Variants in GLI2 observed in about 807,000 individuals in gnomAD.
The protein encoded by GLI2 is GLI family zinc finger 2.
In GLI2, 22 loss-of-function variants were observed where a neutral mutation model predicts 78.9. The observed-to-expected ratio is 0.28, with a 90% CI of 0.20 to 0.40. The LOEUF is 0.40. GLI2 is among the 10% of genes least tolerant of loss of function. GLI2 has a pLI of 1.00. For synonymous variants in GLI2, 974 were observed against 963.7 expected (o/e 1.01, Z -0.20); for missense variants, 2,097 against 2,213.2 (o/e 0.95, Z 1.05).
At chr2:120,848,980 A>G (rs142799499) in intron 2 of GLI2, among the ~76,000 whole-genome samples, 19 of 152,368 alleles carry the variant, frequency 1.2e-4, no homozygotes, top group African/African-American at 4.6e-4. Context: ...AGCTTACCAT[A>G]TAATGGAATA....
intron 1 of GLI2, among the ~76,000 whole-genome samples, chr2:120,789,124 C>G (rs1684079442): frequency 6.6e-6 from 1 of 151,606 alleles, no homozygotes; most frequent in African/African-American, 2.4e-5. Context: ...CTCCACCTCC[C>G]AGGTTCATGT....
In GLI2 at chr2:120,886,216, A is replaced by C. The variant is rs13423977; in HGVS notation, c.149-41145A>C. On this transcript the variant is annotated intron_variant, in intron 2 of 13. Transcript: ENST00000361492. The stretch of plus-strand genomic sequence containing the variant: ...TGTGTGTGTGTGTGTGTGTGCGTGT[A>C]TATTTTGGTTTTGGGTTTTTGTTTT... Among the ~76,000 whole-genome samples, 3 of 57,772 alleles carry C rather than the reference A, an allele frequency of 5.2e-5. 1 individual carries two copies. Among genetic ancestry groups the C allele is most frequent in the South Asian group, 1.8e-3 (2 of 1,130 alleles). The allele number at this position is 57,772 out of a possible 152,430, so 37.9% of individuals were successfully genotyped here. A position where few individuals can be genotyped will look rare whatever the true frequency, so the allele number is the denominator to read the frequency against.
chr2:120,972,165 C>G, intron 8 of GLI2, 102 bp downstream of exon 8: 1 of 1,326,460 alleles, frequency 7.5e-7, no homozygotes, highest in Non-Finnish European at 1.1e-6. Flanking sequence ...TGGCTGGCTG[C>G]CTGCATGGAT....
chr2:120,769,793 G>A (rs566252009), intron 1 of GLI2, among the ~76,000 whole-genome samples: 12 of 152,208 alleles, frequency 7.9e-5, no homozygotes, highest in Middle Eastern at 3.4e-3. Flanking sequence ...GGGAGTGTGC[G>A]TCTCTGCCTG....
intron 2 of GLI2, among the ~76,000 whole-genome samples, chr2:120,903,459 A>G (rs2104789165): frequency 6.6e-6 from 1 of 152,272 alleles, no homozygotes; most frequent in African/African-American, 2.4e-5. Context: ...GCCCCCAGGC[A>G]GGCCTGGGCC....
At chr2:120,876,728 G>A (rs1049013179) in intron 2 of GLI2, among the ~76,000 whole-genome samples, 5 of 152,002 alleles carry the variant, frequency 3.3e-5, no homozygotes, top group South Asian at 2.1e-4. Flanking sequence ...CCAGTGGGTC[G>A]GCAGGGAGGA....
Position 120,870,660 on chromosome 2 carries a change from C to G in GLI2, c.149-56701C>G, listed in dbSNP as rs575141635. ...GCTGACCACTTGCCCTTGATTATTT[C>G]AAGTGACCGCGCCATGTGCCACCTT... On this transcript the variant is annotated intron_variant, in intron 2 of 13. Transcript: ENST00000361492. 9.2e-5 allele frequency among the ~76,000 whole-genome samples: 14 copies of G among 152,188 alleles called. 1 individual carries two copies. The highest frequency in any genetic ancestry group is 2.6e-4 in the Admixed American group (4 of 15,284).
chr2:120,951,273 C>G lies in GLI2; in HGVS notation c.285C>G (p.Ile95Met), dbSNP rs780467517. ...GPPALSGSPV[I>M]SDISLIRLSP... is the part of the protein sequence containing the mutation. The stretch of plus-strand genomic sequence containing the variant: ...CTGCCCTCAGCGGCAGCCCTGTCAT[C>G]TCTGACATCTCCTTGATCCGGCTTT... Residue 95 changes from isoleucine to methionine, a missense_variant, in exon 4 of 14, where the codon ATC becomes ATG. Physicochemically the swap from Ile to Met is conservative, Grantham distance 10. This residue lies in a region of GLI2 where 578 missense variants were observed against 612.0 expected (regional missense o/e 0.94). Transcript: ENST00000361492. The G allele has an allele frequency of 3.7e-6, 6 of 1,612,206 alleles. No homozygotes were observed. The highest frequency in any genetic ancestry group is 5.1e-6 in the Non-Finnish European group (6 of 1,178,582).
At chr2:120,744,371 A>C (rs964022317) in intron 1 of GLI2, among the ~76,000 whole-genome samples, 1 of 152,178 alleles carries the variant, frequency 6.6e-6, no homozygotes, top group Admixed American at 6.5e-5. Context: ...CTTGGGCTTG[A>C]GAGAATGCAT....
rs1367586644 is a variant in GLI2 at position 120,986,364 on chromosome 2, G to A, written c.1992G>A (p.Val664=). 6.2e-7 allele frequency: 1 copy of A among 1,613,616 alleles called. No homozygotes were observed. Among genetic ancestry groups the A allele is most frequent in the Non-Finnish European group, 8.5e-7 (1 of 1,179,964 alleles). Reference sequence around the variant, plus strand: ...GTGCCCCCAACAATGACAGTGGCGTGGAGATGCCGGGGACGGGGCCCGGGA... The same window carrying A: ...GTGCCCCCAACAATGACAGTGGCGTAGAGATGCCGGGGACGGGGCCCGGGA... ...LGSAPNNDSG[V]EMPGTGPGSL... The change falls in exon 13 of 14, where the codon GTG becomes GTA. Residue 664 remains valine, a synonymous_variant. Coordinates refer to ENST00000361492, the MANE Select transcript of GLI2 (RefSeq NM_001374353.1).
At chr2:120,764,224 C>T (rs558318888) in intron 1 of GLI2, among the ~76,000 whole-genome samples, 16 of 152,312 alleles carry the variant, frequency 1.1e-4, no homozygotes, top group Non-Finnish European at 1.9e-4. Flanking sequence ...GGGCTCGTGG[C>T]GCAGCCGGAG....
At chr2:120,890,680 C>T (rs1573546722) in intron 2 of GLI2, among the ~76,000 whole-genome samples, 1 of 152,118 alleles carries the variant, frequency 6.6e-6, no homozygotes, top group South Asian at 2.1e-4. Flanking sequence ...CTCAAATTAG[C>T]GAAAAATAAA....
chr2:120,759,592 G>T (rs1296761913), intron 1 of GLI2, among the ~76,000 whole-genome samples: 1 of 152,102 alleles, frequency 6.6e-6, no homozygotes, highest in East Asian at 1.9e-4. Context: ...GCCCTTTTGG[G>T]TGCACTACCT....
rs182485335 is a variant in GLI2, at chr2:120,918,921, G to A, written c.149-8440G>A. 2.0e-5 allele frequency among the ~76,000 whole-genome samples: 3 copies of A among 152,338 alleles called. No homozygotes were observed. The East Asian group carries it at 5.8e-4, about 29-fold the overall frequency. ...CCTATCCCAAGCTCCTTAGACAACA[G>A]GGACAGGTGATGTCCTGTAGGACTG... On this transcript the variant is annotated intron_variant, in intron 2 of 13. Transcript: ENST00000361492.
chr2:120,771,797 C>G (rs1683530408), intron 1 of GLI2, among the ~76,000 whole-genome samples: 1 of 152,202 alleles, frequency 6.6e-6, no homozygotes, highest in Admixed American at 6.5e-5. Context: ...TGGACCAGGA[C>G]TCCTCAAAGT....
intron 2 of GLI2, among the ~76,000 whole-genome samples, chr2:120,887,411 T>C (rs1677465956): frequency 6.6e-6 from 1 of 152,256 alleles, no homozygotes; most frequent in East Asian, 1.9e-4. Flanking sequence ...TTTTCCTTGC[T>C]GGGCTGCGTG....
chr2:120,762,593 A>C (rs1190610637), intron 1 of GLI2, among the ~76,000 whole-genome samples: 3 of 151,956 alleles, frequency 2.0e-5, no homozygotes, highest in Non-Finnish European at 4.4e-5. Context: ...TCTGCAACAG[A>C]CTCAGCCGTT....
At chr2:120,762,734 T>TC (rs1343497247) in intron 1 of GLI2, among the ~76,000 whole-genome samples, 5 of 152,070 alleles carry the variant, frequency 3.3e-5, no homozygotes, top group Non-Finnish European at 7.4e-5. Flanking sequence ...CATCCCACCA[T>TC]CCCACCATGA....
chr2:120,868,034 C>T (rs1688236079), intron 2 of GLI2, among the ~76,000 whole-genome samples: 1 of 152,170 alleles, frequency 6.6e-6, no homozygotes, highest in Non-Finnish European at 1.5e-5. Context: ...CCCAGCCTCC[C>T]GCAACGGATG....
Sources: allele counts gnomAD v4.1 joint callset (sites outside exome capture counted in the v4.1 genomes callset), GRCh38; gene constraint gnomAD v4.1.1; regional missense constraint gnomAD v4.1.1; transcripts MANE v1.5; gene names NCBI Gene and HGNC (gene_info 2026-07-23, HGNC 2026-07-21).